The following TOMM70 variants were observed in gnomAD, a reference collection of about 807,000 sequenced individuals.
TOMM70 encodes the protein mitochondrial import receptor subunit TOM70.
A neutral mutation model predicts 73.6 loss-of-function variants in TOMM70; 13 were observed. That is an observed-to-expected ratio of 0.18 (90% CI 0.11 to 0.28). TOMM70 has a LOEUF of 0.28. Ranked by LOEUF, TOMM70 falls within the 10% of genes least tolerant of loss-of-function variation. TOMM70 has a pLI of 1.00. For synonymous variants in TOMM70, 257 were observed against 271.2 expected (o/e 0.95, Z 0.51); for missense variants, 609 against 747.5 (o/e 0.81, Z 2.16).
intron 1 of TOMM70, among the ~76,000 whole-genome samples, chr3:100,389,097 A>T (rs891301730): frequency 2.0e-5 from 3 of 152,248 alleles, no homozygotes; most frequent in African/African-American, 7.2e-5. Flanking sequence ...ATTTTTAGAC[A>T]CATCATGGTG....
intron 1 of TOMM70, among the ~76,000 whole-genome samples, chr3:100,393,147 G>T (rs568367994): frequency 3.7e-4 from 55 of 149,504 alleles, no homozygotes; most frequent in African/African-American, 1.3e-3. Context: ...TTGCACTCCA[G>T]CCTGGGCAAC....
rs757218917 is a variant in TOMM70, at chr3:100,377,688, C to G, written c.1092+17G>C. ...CCTTCTATTTAATAATTTCTTCACA[C>G]ACATTTTTTAATGTACCTTCACATT... On this transcript the variant is annotated intron_variant, in intron 6 of 11. Transcript: ENST00000284320. 6.3e-7 allele frequency: 1 copy of G among 1,593,782 alleles called. No homozygotes were observed. Among genetic ancestry groups the G allele is most frequent in the East Asian group, 2.3e-5 (1 of 44,372 alleles).
intron 5 of TOMM70, 25 bp from the exon 6 acceptor site, chr3:100,377,937 A>G (rs1466158491): frequency 6.3e-7 from 1 of 1,591,182 alleles, no homozygotes; most frequent in Non-Finnish European, 8.6e-7. Context: ...AAACATAGGA[A>G]ATTATTTACT....
chr3:100,394,475 C>T (rs1414330313), intron 1 of TOMM70, among the ~76,000 whole-genome samples: 1 of 151,588 alleles, frequency 6.6e-6, no homozygotes, highest in Non-Finnish European at 1.5e-5. Context: ...AACAATGTTT[C>T]AATACTTATT....
At chr3:100,371,900 C>T (rs1407547788) in intron 9 of TOMM70, 1 of 152,182 alleles carries the variant, frequency 6.6e-6, no homozygotes, top group Non-Finnish European at 1.5e-5. Context: ...TGTGCAGCCC[C>T]ATTCCTAAGA....
At chr3:100,373,366 A>G (rs1464899548) in intron 8 of TOMM70, among the ~76,000 whole-genome samples, 172 bp downstream of exon 8, 1 of 152,184 alleles carries the variant, frequency 6.6e-6, no homozygotes, top group Admixed American at 6.5e-5. Flanking sequence ...AACCCAAACA[A>G]ATGTCCAGAG....
chr3:100,391,094 T>C (rs1706755258), intron 1 of TOMM70, among the ~76,000 whole-genome samples: 1 of 152,092 alleles, frequency 6.6e-6, no homozygotes, highest in Non-Finnish European at 1.5e-5. Flanking sequence ...TGAGCCGAGA[T>C]GGCACCGCTG....
rs1706581852 is a variant in TOMM70, at chr3:100,377,776, G to A, written c.1021C>T (p.Leu341Phe). The stretch of plus-strand genomic sequence containing the variant: ...TTGGCTGCATTGGCATTGCCAATAA[G>A]CAGGTAGAAGGTAGCTCGTAGTAGC... Reference protein sequence around the residue: ...ALLLRATFYLLIGNANAAKPD... With the variant: ...ALLLRATFYLFIGNANAAKPD... The change falls in exon 6 of 12, where the codon CTT becomes TTT. Residue 341 changes from leucine (L) to phenylalanine (F), a missense_variant. Physicochemically the swap from Leu to Phe is conservative, Grantham distance 22 (BLOSUM62 0). Coordinates refer to ENST00000284320, the MANE Select transcript of TOMM70 (RefSeq NM_014820.5). The A allele has an allele frequency of 6.2e-7, 1 of 1,614,188 alleles. No individual in the cohort carries two copies. Among genetic ancestry groups the A allele is most frequent in the Non-Finnish European group, 8.5e-7 (1 of 1,180,032 alleles).
intron 5 of TOMM70, among the ~76,000 whole-genome samples, chr3:100,379,328 T>TG (rs1706603082): frequency 6.6e-6 from 1 of 152,176 alleles, no homozygotes; most frequent in African/African-American, 2.4e-5. Context: ...GCAAATGACT[T>TG]AAAAGTTACG....
At chr3:100,370,481 T>C (rs1406550423) in intron 9 of TOMM70, among the ~76,000 whole-genome samples, 1 of 152,222 alleles carries the variant, frequency 6.6e-6, no homozygotes, top group African/African-American at 2.4e-5. Flanking sequence ...AATACTTATT[T>C]TGAAAACAAA....
At chr3:100,394,710 C>T (rs1471228718) in intron 1 of TOMM70, among the ~76,000 whole-genome samples, 1 of 152,070 alleles carries the variant, frequency 6.6e-6, no homozygotes, top group East Asian at 1.9e-4. Context: ...ACCATGTTGG[C>T]CAGGCCAGTC....
chr3:100,369,380 A>G (rs1300983629), intron 9 of TOMM70, among the ~76,000 whole-genome samples: 1 of 152,160 alleles, frequency 6.6e-6, no homozygotes, highest in East Asian at 1.9e-4. Context: ...ACAGCAGATA[A>G]TCTCTGGTAA....
intron 6 of TOMM70, among the ~76,000 whole-genome samples, chr3:100,376,039 A>G (rs1319821593): frequency 6.6e-6 from 1 of 152,178 alleles, no homozygotes; most frequent in Non-Finnish European, 1.5e-5. Flanking sequence ...ATTATTGTCC[A>G]ATGTTTTTTA....
rs550438058 is a variant in TOMM70 at position 100,377,841 on chromosome 3, T to C, written c.956A>G (p.Lys319Arg). 14 of 1,614,224 alleles carry C rather than the reference T, an allele frequency of 8.7e-6. No homozygotes were observed. The Admixed American group carries it at 2.3e-4, about 27-fold the overall frequency. ...NYDKIISECSKEIDAEGKYMA... is the reference protein window; with the variant it reads ...NYDKIISECSREIDAEGKYMA... Reference sequence around the variant, plus strand: ...GTATTTGCCTTCAGCATCTATTTCTTTTGAGCATTCACTTATGATTTTATC... The same window carrying C: ...GTATTTGCCTTCAGCATCTATTTCTCTTGAGCATTCACTTATGATTTTATC... Residue 319 changes from lysine to arginine, a missense_variant, in exon 6 of 12, where the codon AAA (lysine) becomes AGA (arginine). Transcript: ENST00000284320.
At chr3:100,370,253 T>C (rs192164468) in intron 9 of TOMM70, among the ~76,000 whole-genome samples, 3 of 152,318 alleles carry the variant, frequency 2.0e-5, no homozygotes, top group East Asian at 3.9e-4. Context: ...TCCCTATTTG[T>C]TTTCTTTCAC....
intron 11 of TOMM70, 108 bp from the exon 12 acceptor site, chr3:100,365,825 T>C: frequency 7.9e-7 from 1 of 1,258,394 alleles, no homozygotes; most frequent in Non-Finnish European, 1.1e-6. Flanking sequence ...TTCTTCACAA[T>C]ATTCAATGAA....
At chr3:100,367,280 C>T (rs1706455879) in intron 11 of TOMM70, among the ~76,000 whole-genome samples, 1 of 147,784 alleles carries the variant, frequency 6.8e-6, no homozygotes, top group Non-Finnish European at 1.5e-5. Flanking sequence ...AAAAGAAACA[C>T]AATTTTTTTT....
chr3:100,369,124 A>T lies in TOMM70; in HGVS notation c.1464T>A (p.Asp488Glu). ...CATCAGCTTTACCAAACTGTTGTTG[A>T]TCTGTTAATGCCTATGTGAGGAGAT... Reference protein sequence around the residue: ...GYALYAQALTDQQQFGKADEM... With the variant: ...GYALYAQALTEQQQFGKADEM... Residue 488 changes from aspartate (D) to glutamate (E), a missense_variant, in exon 10 of 12, where the codon GAT becomes GAA. This residue lies in a region of TOMM70 where 432 missense variants were observed against 584.1 expected (regional missense o/e 0.74). Transcript: ENST00000284320. 6.2e-7 allele frequency: 1 copy of T among 1,612,740 alleles called. No homozygotes were observed. The highest frequency in any genetic ancestry group is 8.5e-7 in the Non-Finnish European group (1 of 1,179,112).
intron 5 of TOMM70, among the ~76,000 whole-genome samples, chr3:100,378,730 G>T (rs1389955372): frequency 6.6e-6 from 1 of 152,222 alleles, no homozygotes; most frequent in Non-Finnish European, 1.5e-5. Flanking sequence ...TTATTGGCTG[G>T]ATGCGGTGGC....
Sources: gnomAD v4.1 joint callset for allele counts (sites outside exome capture counted in the v4.1 genomes callset) on GRCh38, gnomAD v4.1.1 for gene constraint, gnomAD v4.1.1 regional missense constraint, MANE v1.5 for transcripts, NCBI Gene and HGNC (gene_info 2026-07-23, HGNC 2026-07-21) for gene names.